The following PTPRM variants were observed in gnomAD, a reference collection of about 807,000 sequenced individuals.
PTPRM encodes the protein receptor-type tyrosine-protein phosphatase mu.
PTPRM carries 47 observed loss-of-function variants against 186.7 expected under a neutral mutation model. The ratio of observed to expected loss-of-function variants is 0.25; its 90% CI spans 0.20 to 0.32. PTPRM has a LOEUF of 0.32. Ranked by LOEUF, PTPRM falls within the 10% of genes least tolerant of loss-of-function variation. PTPRM has a pLI of 1.00. For missense variants in PTPRM, 1,494 were observed against 1,865.0 expected (o/e 0.80, Z 3.66); for synonymous variants, 668 against 674.9 (o/e 0.99, Z 0.16).
Position 8,211,433 on chromosome 18 carries a change from C to T in PTPRM, c.2301-32625C>T, listed in dbSNP as rs111264002. Among the ~76,000 whole-genome samples the T allele has an allele frequency of 1.1e-3, 146 of 129,086 alleles. 2 individuals carry two copies. The highest frequency in any genetic ancestry group is 0.012 in the Middle Eastern group (2 of 164). The allele number at this position is 129,086 out of a possible 152,430, so 84.7% of individuals were successfully genotyped here. A position where few individuals can be genotyped will look rare whatever the true frequency, so the allele number is the denominator to read the frequency against. On this transcript the variant is annotated intron_variant, in intron 14 of 32. Coordinates refer to ENST00000580170, the MANE Select transcript of PTPRM (RefSeq NM_001105244.2). Reference sequence around the variant, plus strand: ...TTTCTAAGACAGAGTCTCGCCCTGTCGCCCAGGCTGGAGTGTGTGGAGTGC... The same window carrying T: ...TTTCTAAGACAGAGTCTCGCCCTGTTGCCCAGGCTGGAGTGTGTGGAGTGC...
intron 1 of PTPRM, among the ~76,000 whole-genome samples, chr18:7,578,396 C>T (rs1279535941): frequency 2.1e-5 from 3 of 145,434 alleles, no homozygotes; most frequent in Non-Finnish European, 4.5e-5. Flanking sequence ...AGTACAATGG[C>T]GTGATCTTGG....
intron 13 of PTPRM, among the ~76,000 whole-genome samples, chr18:8,117,861 A>G (rs1033426391): frequency 1.3e-5 from 2 of 152,222 alleles, no homozygotes; most frequent in African/African-American, 4.8e-5. Flanking sequence ...TAGCTTTTAA[A>G]TATTTCTTAA....
intron 3 of PTPRM, among the ~76,000 whole-genome samples, chr18:7,906,004 T>C (rs367882009): frequency 5.9e-5 from 9 of 152,258 alleles, no homozygotes; most frequent in African/African-American, 2.2e-4. Context: ...ACCTTAAAAG[T>C]CTTCTTTAGA....
intron 9 of PTPRM, among the ~76,000 whole-genome samples, chr18:8,084,013 G>A (rs1248668864): frequency 6.6e-6 from 1 of 152,122 alleles, no homozygotes; most frequent in African/African-American, 2.4e-5. Context: ...TAAAATGAAT[G>A]AGAACACTAA....
chr18:8,192,582 T>C (rs960020256), intron 14 of PTPRM, among the ~76,000 whole-genome samples: 3 of 152,172 alleles, frequency 2.0e-5, no homozygotes, highest in African/African-American at 7.2e-5. Context: ...TTAATAAATA[T>C]ATGCATCTAT....
chr18:7,585,714 C>T (rs1249837578), intron 1 of PTPRM, among the ~76,000 whole-genome samples: 1 of 152,112 alleles, frequency 6.6e-6, no homozygotes, highest in African/African-American at 2.4e-5. Context: ...ATCTGTATCC[C>T]ACTTAACCAT....
At chr18:8,280,503 G>A (rs1362038156) in intron 19 of PTPRM, among the ~76,000 whole-genome samples, 2 of 152,160 alleles carry the variant, frequency 1.3e-5, no homozygotes, top group African/African-American at 4.8e-5. Context: ...ACCCGACCAA[G>A]GTTGGGCTGG....
intron 7 of PTPRM, among the ~76,000 whole-genome samples, chr18:8,012,955 C>G (rs6506543): frequency 0.1 from 15,269 of 151,970 alleles, 806 homozygotes; most frequent in African/African-American, 0.12. Flanking sequence ...GCCTCTTGCA[C>G]TGGGGAGGGT....
intron 7 of PTPRM, among the ~76,000 whole-genome samples, chr18:7,982,086 A>T (rs999791075): frequency 3.3e-5 from 5 of 152,122 alleles, no homozygotes; most frequent in East Asian, 1.9e-4. Context: ...TTATTTTTTT[A>T]AATTTGTGTC....
At chr18:8,265,271 C>G (rs182633073) in intron 19 of PTPRM, among the ~76,000 whole-genome samples, 1 of 152,230 alleles carries the variant, frequency 6.6e-6, no homozygotes, top group Non-Finnish European at 1.5e-5. Context: ...TTGCTCCTCC[C>G]TGCTCTAGTT....
rs577099778 is a variant in PTPRM at position 7,882,683 on chromosome 18, A to G, written c.197-5423A>G. Among the ~76,000 whole-genome samples, 8 of 152,364 alleles carry G rather than the reference A, an allele frequency of 5.3e-5. No individual in the cohort carries two copies. In the South Asian group the frequency reaches 1.4e-3, roughly 28 times the overall value. On this transcript the variant is annotated intron_variant, in intron 2 of 32. Coordinates refer to ENST00000580170, the MANE Select transcript of PTPRM (RefSeq NM_001105244.2). ...TGTAAGCCAAAGTATTGAAGAAGCC[A>G]TGTAACTCTTTCTTCCTGCTGGATA...
chr18:7,902,407 C>A (rs938922152), intron 3 of PTPRM, among the ~76,000 whole-genome samples: 1 of 152,106 alleles, frequency 6.6e-6, no homozygotes, highest in Non-Finnish European at 1.5e-5. Flanking sequence ...GGGATGAAGG[C>A]AGATAGTTGC....
chr18:7,618,097 T>C (rs28378304), intron 1 of PTPRM, among the ~76,000 whole-genome samples: 4,164 of 152,266 alleles, frequency 0.027, 178 homozygotes, highest in African/African-American at 0.094. Flanking sequence ...AATAAGAACA[T>C]TTTATTTTCA....
intron 19 of PTPRM, among the ~76,000 whole-genome samples, chr18:8,256,119 A>G (rs554463780): frequency 2.6e-5 from 4 of 152,336 alleles, no homozygotes; most frequent in East Asian, 1.9e-4. Flanking sequence ...ACCTCTTTCC[A>G]TCATGCTGTA....
chr18:7,650,294 A>G (rs961136215), intron 1 of PTPRM, among the ~76,000 whole-genome samples: 2 of 152,194 alleles, frequency 1.3e-5, no homozygotes, highest in Non-Finnish European at 2.9e-5. Flanking sequence ...AACCAGCCCT[A>G]TATTTGTTTA....
At chr18:7,943,105 C>T (rs183202512) in intron 5 of PTPRM, among the ~76,000 whole-genome samples, 1 of 152,262 alleles carries the variant, frequency 6.6e-6, no homozygotes, top group Admixed American at 6.5e-5. Flanking sequence ...CTCTCCCCAT[C>T]CTTGCCCTGC....
At chr18:7,862,553 T>A (rs2047446053) in intron 2 of PTPRM, among the ~76,000 whole-genome samples, 1 of 152,174 alleles carries the variant, frequency 6.6e-6, no homozygotes, top group Non-Finnish European at 1.5e-5. Context: ...ATTTCTCTGA[T>A]TCCATTGAAG....
intron 19 of PTPRM, among the ~76,000 whole-genome samples, chr18:8,280,860 G>C (rs7238745): frequency 0.064 from 9,798 of 152,254 alleles, 506 homozygotes; most frequent in South Asian, 0.14. Context: ...GCCTGTGGAA[G>C]TTAAAAATGG....
chr18:8,209,084 A>G (rs2093967699), intron 14 of PTPRM, among the ~76,000 whole-genome samples: 1 of 152,200 alleles, frequency 6.6e-6, no homozygotes, highest in Non-Finnish European at 1.5e-5. Flanking sequence ...TTTATTCTGA[A>G]TGCAATGGAG....
Sources: allele counts gnomAD v4.1 joint callset (sites outside exome capture counted in the v4.1 genomes callset), GRCh38; gene constraint gnomAD v4.1.1; transcripts MANE v1.5; gene names NCBI Gene and HGNC (gene_info 2026-07-23, HGNC 2026-07-21).